The following TESC variants were observed in gnomAD, a reference collection of about 807,000 sequenced individuals.
TESC encodes the protein calcineurin B homologous protein 3.
Under a neutral mutation model 31.0 loss-of-function variants are expected in TESC, and 19 were observed. The observed-to-expected ratio is 0.61, with a 90% CI of 0.43 to 0.90. TESC has a LOEUF of 0.90. Ranked by LOEUF, TESC falls within the 40% of genes least tolerant of loss-of-function variation. TESC has a pLI of 0.00. For missense variants in TESC, 248 were observed against 303.8 expected (o/e 0.82, Z 1.36); for synonymous variants, 109 against 114.8 (o/e 0.95, Z 0.32).
At chr12:117,089,436 C>T (rs1186978559) in intron 1 of TESC, among the ~76,000 whole-genome samples, 1 of 151,998 alleles carries the variant, frequency 6.6e-6, no homozygotes, top group Non-Finnish European at 1.5e-5. Flanking sequence ...AAATGAACCA[C>T]CATAAGGGAG....
chr12:117,076,167 A>G (rs1955072284), intron 1 of TESC, among the ~76,000 whole-genome samples: 1 of 149,810 alleles, frequency 6.7e-6, no homozygotes, highest in Non-Finnish European at 1.5e-5. Flanking sequence ...ACTCCAGAAG[A>G]TGAGTTTTAT....
chr12:117,059,641 A>G (rs1301563159), intron 2 of TESC, among the ~76,000 whole-genome samples: 1 of 152,106 alleles, frequency 6.6e-6, no homozygotes, highest in Admixed American at 6.6e-5. Context: ...CTCAATCTCC[A>G]TGGGCCTGCT....
chr12:117,046,531 G>A lies in TESC; in HGVS notation c.519+28C>T, dbSNP rs2270793. On this transcript the variant is annotated intron_variant, in intron 6 of 7. Coordinates refer to ENST00000335209, the MANE Select transcript of TESC (RefSeq NM_017899.4). ...ACCATAAGCGGGAAAGGCACTGCGC[G>A]TCTCGGGAGGGCTGCAGGGGCGCTC... 25,843 of 1,536,604 alleles carry A rather than the reference G, an allele frequency of 0.017. 1,195 individuals are homozygous for A. The East Asian group carries it at 0.21, about 12-fold the overall frequency.
chr12:117,075,631 C>A (rs1158261744), intron 1 of TESC, among the ~76,000 whole-genome samples: 1 of 151,556 alleles, frequency 6.6e-6, no homozygotes, highest in Non-Finnish European at 1.5e-5. Context: ...ATTCTCCCAG[C>A]CTCTGACCTT....
At chr12:117,039,973 T>A (rs1954457916) in intron 7 of TESC, among the ~76,000 whole-genome samples, 1 of 152,098 alleles carries the variant, frequency 6.6e-6, no homozygotes, top group Non-Finnish European at 1.5e-5. Context: ...GATGGTAGGA[T>A]GGGGGGGTGC....
intron 1 of TESC, among the ~76,000 whole-genome samples, chr12:117,076,919 AG>A (rs1955081996): frequency 6.6e-6 from 1 of 152,154 alleles, no homozygotes; most frequent in Admixed American, 6.6e-5. Flanking sequence ...CAAGGACTTT[AG>A]GTCTGGTTCC....
At chr12:117,048,923 C>T (rs1954606776) in intron 4 of TESC, 96 bp downstream of exon 4, 3 of 1,581,960 alleles carry the variant, frequency 1.9e-6, no homozygotes, top group African/African-American at 2.7e-5. Context: ...CCAATGCACA[C>T]CCAGCCTCCT....
At chr12:117,049,245 C>T in intron 3 of TESC, 87 bp from the exon 4 acceptor site, 2 of 1,578,912 alleles carry the variant, frequency 1.3e-6, no homozygotes, top group East Asian at 4.5e-5. Context: ...GAACTCCGCT[C>T]TCAGGGTGCA....
intron 1 of TESC, 132 bp downstream of exon 1, chr12:117,099,093 G>C (rs2135813214): frequency 2.1e-6 from 2 of 965,624 alleles, no homozygotes; most frequent in East Asian, 6.7e-5. Context: ...TTTGAAAGAG[G>C]AGGAGACTGA....
chr12:117,078,143 T>C (rs573503541), intron 1 of TESC, among the ~76,000 whole-genome samples: 2 of 152,254 alleles, frequency 1.3e-5, no homozygotes, highest in East Asian at 3.9e-4. Context: ...TTAAAATAGC[T>C]TAAAATTCGA....
At chr12:117,073,511 C>T (rs1318818872) in intron 2 of TESC, among the ~76,000 whole-genome samples, 1 of 152,186 alleles carries the variant, frequency 6.6e-6, no homozygotes, top group Non-Finnish European at 1.5e-5. Context: ...ACTGGATTAA[C>T]AATATGCCTG....
At position 117,099,317 on chromosome 12, in the gene TESC, C is replaced by G. The variant is rs765013563; in HGVS notation, c.-35G>C. 2 of 1,414,606 alleles carry G rather than the reference C, an allele frequency of 1.4e-6. No individual in the cohort carries two copies. Among genetic ancestry groups the G allele is most frequent in the Admixed American group, 3.0e-5 (1 of 33,570 alleles). The allele number at this position is 1,414,606 out of a possible 1,614,324, so 87.6% of individuals were successfully genotyped here. A position where few individuals can be genotyped will look rare whatever the true frequency, so the allele number is the denominator to read the frequency against. On this transcript the variant is annotated 5_prime_UTR_variant, in exon 1 of 8. Transcript: ENST00000335209. ...GGCGGGGGCCCCGGGGCGCGCGTCCCTCTCAGGCCCCGCACTGGCTTCGGC... is the reference window on the plus strand; with the variant it reads ...GGCGGGGGCCCCGGGGCGCGCGTCCGTCTCAGGCCCCGCACTGGCTTCGGC...
At chr12:117,084,120 C>T (rs963946866) in intron 1 of TESC, 1 of 150,082 alleles carries the variant, frequency 6.7e-6, no homozygotes, top group Admixed American at 6.6e-5. Context: ...AAGAATTAGA[C>T]AGTGGTGATG....
intron 1 of TESC, among the ~76,000 whole-genome samples, chr12:117,083,633 A>G (rs1397102271): frequency 1.3e-5 from 2 of 152,268 alleles, no homozygotes; most frequent in East Asian, 3.8e-4. Context: ...GAAAGAAGCC[A>G]GACATACAAG....
chr12:117,049,330 C>G (rs1371270937), intron 3 of TESC, among the ~76,000 whole-genome samples, 172 bp from the exon 4 acceptor site: 1 of 152,222 alleles, frequency 6.6e-6, no homozygotes, highest in Admixed American at 6.5e-5. Flanking sequence ...GCTGCAGGCT[C>G]CGGAAGCTGA....
At chr12:117,044,898 G>A (rs1377564784) in intron 6 of TESC, among the ~76,000 whole-genome samples, 9 of 138,552 alleles carry the variant, frequency 6.5e-5, no homozygotes. Flanking sequence ...CTTGGTCTCG[G>A]GAAAAAAAGA....
intron 1 of TESC, among the ~76,000 whole-genome samples, chr12:117,098,177 A>C (rs1293009846): frequency 6.6e-6 from 1 of 152,224 alleles, no homozygotes; most frequent in African/African-American, 2.4e-5. Flanking sequence ...GGTTCTCTGC[A>C]CTTGAAGCAG....
chr12:117,056,691 T>A, intron 3 of TESC, 115 bp downstream of exon 3: 1 of 1,140,136 alleles, frequency 8.8e-7, no homozygotes, highest in Non-Finnish European at 1.3e-6. Flanking sequence ...CCTACCCAGC[T>A]TGGCCCCCTC....
At chr12:117,088,201 C>T (rs1955246948) in intron 1 of TESC, among the ~76,000 whole-genome samples, 1 of 152,068 alleles carries the variant, frequency 6.6e-6, no homozygotes, top group South Asian at 2.1e-4. Context: ...AAAATTTCTC[C>T]ATTTTAATAA....
Sources: gnomAD v4.1 joint callset for allele counts (sites outside exome capture counted in the v4.1 genomes callset) on GRCh38, gnomAD v4.1.1 for gene constraint, MANE v1.5 for transcripts, NCBI Gene and HGNC (gene_info 2026-07-23, HGNC 2026-07-21) for gene names.